Variants in CCSER1 observed in about 807,000 individuals in gnomAD.
CCSER1 encodes the protein serine-rich coiled-coil domain-containing protein 1.
A neutral mutation model predicts 82.0 loss-of-function variants in CCSER1; 41 were observed. That is an observed-to-expected ratio of 0.50 (90% confidence interval 0.39 to 0.65). The LOEUF (loss-of-function observed/expected upper bound fraction) is 0.65, where lower values mean the gene tolerates loss of function less well. Ranked by LOEUF, CCSER1 falls within the 30% of genes least tolerant of loss-of-function variation. CCSER1 has a pLI of 0.00. For synonymous variants in CCSER1, 414 were observed against 383.9 expected, an observed-to-expected ratio of 1.08 and a Z score of -0.92; for missense variants, 1,119 against 1,064.2, an observed-to-expected ratio of 1.05 and a Z score of -0.72.
In CCSER1 at chr4:90,960,918, G is replaced by A. The variant is rs147467604; in HGVS notation, c.2172+37471G>A. On this transcript the variant is annotated intron_variant, in intron 9 of 10. Coordinates refer to ENST00000509176, the MANE Select transcript of CCSER1 (RefSeq NM_001145065.2). ...TACTATTTTTATCCCCATTTAATAT[G>A]TGAGGTAAATAAAGGATAGAAAAGT... 8.2e-3 allele frequency among the ~76,000 whole-genome samples: 1,246 copies of A among 152,254 alleles called. 28 individuals are homozygous for A. The highest frequency in any genetic ancestry group is 0.028 in the African/African-American group (1,161 of 41,548).
At chr4:90,403,852 A>G (rs1267978165) in intron 4 of CCSER1, 1 of 152,224 alleles carries the variant, frequency 6.6e-6, no homozygotes, top group Non-Finnish European at 1.5e-5. Context: ...GGGAGGAAGG[A>G]CTAGCTTGTA....
At chr4:90,274,434 G>A (rs944044967) in intron 1 of CCSER1, among the ~76,000 whole-genome samples, 9 of 150,758 alleles carry the variant, frequency 6.0e-5, no homozygotes, top group East Asian at 1.9e-4. Context: ...GCTTAAATAC[G>A]TGTTATCTAT....
intron 10 of CCSER1, among the ~76,000 whole-genome samples, chr4:91,288,549 T>A (rs929289640): frequency 4.6e-5 from 7 of 151,994 alleles, no homozygotes; most frequent in African/African-American, 1.7e-4. Flanking sequence ...CCTCACTGAA[T>A]GCTCACATAA....
chr4:91,151,750 G>A (rs1311856130), intron 10 of CCSER1, among the ~76,000 whole-genome samples: 2 of 152,192 alleles, frequency 1.3e-5, no homozygotes, highest in Admixed American at 6.5e-5. Context: ...TCATTCAAGA[G>A]CAGGTTGTTC....
intron 10 of CCSER1, among the ~76,000 whole-genome samples, chr4:91,359,033 C>T (rs540379075): frequency 5.3e-4 from 81 of 152,254 alleles, no homozygotes; most frequent in Admixed American, 4.2e-3. Context: ...CTGGGAGCAT[C>T]GGCAAGCTAC....
intron 7 of CCSER1, among the ~76,000 whole-genome samples, chr4:90,782,394 C>T (rs565483870): frequency 2.6e-5 from 4 of 152,146 alleles, no homozygotes; most frequent in East Asian, 1.9e-4. Flanking sequence ...TGATTTGAGA[C>T]GTACAATGAC....
rs760775472 is a variant in CCSER1 at position 91,178,184 on chromosome 4, T to C, written c.2217+92190T>C. Reference sequence around the variant, plus strand: ...CCCTGTGGTCTCAGACACAATTTGTTATAATTTCTGTTATTTTACATTTGC... The same window carrying C: ...CCCTGTGGTCTCAGACACAATTTGTCATAATTTCTGTTATTTTACATTTGC... On this transcript the variant is annotated intron_variant, in intron 10 of 10. Coordinates refer to ENST00000509176, the MANE Select transcript of CCSER1 (RefSeq NM_001145065.2). 2.8e-3 allele frequency among the ~76,000 whole-genome samples: 427 copies of C among 152,214 alleles called. 3 individuals carry two copies. Among genetic ancestry groups the C allele is most frequent in the Non-Finnish European group, 4.7e-3 (317 of 68,040 alleles).
At chr4:91,308,997 A>C (rs1277724286) in intron 10 of CCSER1, among the ~76,000 whole-genome samples, 2 of 152,002 alleles carry the variant, frequency 1.3e-5, no homozygotes, top group Non-Finnish European at 2.9e-5. Context: ...CCTATGGGAA[A>C]GTGAGCTGCC....
At chr4:90,255,451 A>T (rs112437056) in intron 1 of CCSER1, among the ~76,000 whole-genome samples, 8 of 152,278 alleles carry the variant, frequency 5.3e-5, no homozygotes, top group African/African-American at 1.9e-4. Flanking sequence ...AATAAATATG[A>T]ATCATTTTAT....
chr4:90,182,972 T>G (rs1733978710), intron 1 of CCSER1, among the ~76,000 whole-genome samples: 1 of 152,088 alleles, frequency 6.6e-6, no homozygotes, highest in Non-Finnish European at 1.5e-5. Context: ...CCATTTGTAA[T>G]TACACACAAA....
rs560903263 is a variant in CCSER1 at position 90,555,905 on chromosome 4, T to C, written c.1725-72120T>C. 4.6e-5 allele frequency among the ~76,000 whole-genome samples: 7 copies of C among 152,224 alleles called. No individual in the cohort carries two copies. In the South Asian group the frequency reaches 8.3e-4, roughly 18 times the overall value. On this transcript the variant is annotated intron_variant, in intron 5 of 10. Transcript: ENST00000509176. ...GCATTTTACTAGACACAGGAAGTTA[T>C]TTTGCGTTACACTAAAATTTAAATA...
At chr4:91,367,234 C>G (rs1469530343) in intron 10 of CCSER1, among the ~76,000 whole-genome samples, 2 of 147,682 alleles carry the variant, frequency 1.4e-5, no homozygotes, top group Non-Finnish European at 3.0e-5. Flanking sequence ...GGAGGATCAC[C>G]TGAGCCCAGG....
intron 4 of CCSER1, among the ~76,000 whole-genome samples, chr4:90,462,961 T>C (rs2153584869): frequency 6.6e-6 from 1 of 152,264 alleles, no homozygotes; most frequent in Admixed American, 6.5e-5. Flanking sequence ...CTTATAACCA[T>C]TGTTATAAGT....
chr4:90,209,767 G>C (rs1211801263), intron 1 of CCSER1, among the ~76,000 whole-genome samples: 1 of 147,654 alleles, frequency 6.8e-6, no homozygotes, highest in Non-Finnish European at 1.5e-5. Context: ...TGTTTGTCTA[G>C]TGTTTTTTTT....
chr4:90,905,107 T>C (rs1725258970), intron 8 of CCSER1, among the ~76,000 whole-genome samples: 1 of 152,134 alleles, frequency 6.6e-6, no homozygotes, highest in African/African-American at 2.4e-5. Context: ...GGAAAATAGA[T>C]AGGACTCTAT....
intron 1 of CCSER1, among the ~76,000 whole-genome samples, chr4:90,249,126 A>G (rs1721937901): frequency 6.6e-6 from 1 of 152,184 alleles, no homozygotes; most frequent in African/African-American, 2.4e-5. Context: ...TTCCTCAAAT[A>G]GTACTGTATT....
chr4:91,487,722 C>T (rs983353369), intron 10 of CCSER1, among the ~76,000 whole-genome samples: 5 of 151,996 alleles, frequency 3.3e-5, no homozygotes, highest in African/African-American at 9.7e-5. Context: ...AATTCATTCA[C>T]TTGAATATCA....
chr4:91,473,381 C>G (rs1757391747), intron 10 of CCSER1, among the ~76,000 whole-genome samples: 1 of 152,040 alleles, frequency 6.6e-6, no homozygotes, highest in Non-Finnish European at 1.5e-5. Context: ...AAGTCATCCA[C>G]AGTAGAAATC....
intron 4 of CCSER1, among the ~76,000 whole-genome samples, chr4:90,428,478 C>A (rs1757834189): frequency 6.6e-6 from 1 of 151,696 alleles, no homozygotes; most frequent in Admixed American, 6.6e-5. Flanking sequence ...AGTCAACTAA[C>A]ATGTATTTGG....
Sources: gnomAD v4.1 joint callset for allele counts (sites outside exome capture counted in the v4.1 genomes callset) on GRCh38, gnomAD v4.1.1 for gene constraint, MANE v1.5 for transcripts, NCBI Gene and HGNC (gene_info 2026-07-23, HGNC 2026-07-21) for gene names.